The following MTMR10 variants were observed in gnomAD, a reference collection of about 807,000 sequenced individuals.
The protein encoded by MTMR10 is myotubularin-related protein 10.
A neutral mutation model predicts 88.1 loss-of-function variants in MTMR10; 56 were observed. The ratio of observed to expected loss-of-function variants is 0.64; its 90% CI spans 0.51 to 0.79. MTMR10 has a LOEUF of 0.79. Ranked by LOEUF, MTMR10 falls within the 30% of genes least tolerant of loss-of-function variation. The probability of loss-of-function intolerance (pLI) is 0.00; values close to 1 mark genes in which losing one functional copy is unlikely to be tolerated. For synonymous variants in MTMR10, 380 were observed against 340.9 expected (o/e 1.11, Z -1.26); for missense variants, 883 against 924.7 (o/e 0.95, Z 0.58).
At chr15:30,971,969 G>C (rs760853643) in intron 5 of MTMR10, among the ~76,000 whole-genome samples, 12 of 151,872 alleles carry the variant, frequency 7.9e-5, no homozygotes, top group Non-Finnish European at 1.6e-4. Context: ...CAACCAGAAG[G>C]GTTCAGAACA....
downstream of MTMR10, among the ~76,000 whole-genome samples, chr15:30,934,461 CTT>C (rs1217601278): frequency 1.3e-5 from 2 of 152,148 alleles, no homozygotes; most frequent in Non-Finnish European, 2.9e-5. Flanking sequence ...CTTATTTTCT[CTT>C]TGTCTCAGAA....
chr15:30,974,823 AACTT>A lies in MTMR10; in HGVS notation c.331+104_331+107del, dbSNP rs2029991252. On this transcript the variant is annotated intron_variant, in intron 4 of 15. Coordinates refer to ENST00000435680, the MANE Select transcript of MTMR10 (RefSeq NM_017762.3). Reference sequence around the variant, plus strand: ...GGGACTCAAAAAAACGGCAAAAGTAAACTTACAGAAATAAAACGCCAATCCAAGT... The same window carrying A: ...GGGACTCAAAAAAACGGCAAAAGTAAACAGAAATAAAACGCCAATCCAAGT... 4 of 775,356 alleles carry A rather than the reference AACTT, an allele frequency of 5.2e-6. No individual in the cohort carries two copies. In the South Asian group the frequency reaches 1.3e-4, roughly 25 times the overall value. 48.0% of individuals were successfully genotyped at this position (775,356 alleles called of 1,614,324 possible).
At chr15:30,958,982 G>A (rs1471524681) in intron 8 of MTMR10, 31 bp from the exon 9 acceptor site, 1 of 1,613,528 alleles carries the variant, frequency 6.2e-7, no homozygotes, top group East Asian at 2.2e-5. Context: ...TTACTTCACT[G>A]TGTAGAAACA....
chr15:30,923,761 A>T, the MTMR10 span, among the ~76,000 whole-genome samples: 1 of 151,618 alleles, frequency 6.6e-6, no homozygotes, highest in African/African-American at 2.4e-5. Context: ...CAGCCACTCA[A>T]CTCTGGATGG....
At chr15:30,990,107 T>C (rs75625851) in intron 2 of MTMR10, among the ~76,000 whole-genome samples, 2,133 of 152,184 alleles carry the variant, frequency 0.014, 49 homozygotes, top group African/African-American at 0.049. Flanking sequence ...GATTCTCAAC[T>C]GTGAGATTTT....
the MTMR10 span, chr15:30,929,419 A>T: frequency 6.3e-7 from 1 of 1,575,796 alleles, no homozygotes; most frequent in Non-Finnish European, 8.6e-7. Flanking sequence ...CCTGCATGGC[A>T]GGATTTGCTC....
intron 2 of MTMR10, among the ~76,000 whole-genome samples, chr15:30,983,381 T>C (rs1187751845): frequency 1.3e-5 from 2 of 152,318 alleles, no homozygotes; most frequent in East Asian, 3.9e-4. Flanking sequence ...GACCCTTTCA[T>C]CTGTAAATAT....
downstream of MTMR10, among the ~76,000 whole-genome samples, chr15:30,936,566 T>C (rs144524544): frequency 3.4e-4 from 52 of 152,362 alleles, no homozygotes; most frequent in African/African-American, 1.3e-3. Context: ...AATAGAAGAA[T>C]TTCTGAATAA....
chr15:30,989,680 T>G (rs1420432628), intron 2 of MTMR10, among the ~76,000 whole-genome samples: 3 of 151,932 alleles, frequency 2.0e-5, no homozygotes, highest in Non-Finnish European at 4.4e-5. Flanking sequence ...CCTCCCGAGT[T>G]CATGCCATTC....
At chr15:30,924,660 A>G in the MTMR10 span, among the ~76,000 whole-genome samples, 1,666 of 152,244 alleles carry the variant, frequency 0.011, 18 homozygotes, top group Non-Finnish European at 0.018. Flanking sequence ...AAGCAGCTCC[A>G]TGGTTCTTGA....
At chr15:30,973,425 A>G (rs2063560284) in intron 5 of MTMR10, among the ~76,000 whole-genome samples, 1 of 152,102 alleles carries the variant, frequency 6.6e-6, no homozygotes. Context: ...TCACCAAAGT[A>G]TATGAAGACA....
In MTMR10 at chr15:30,941,330, T is replaced by C; in HGVS notation, c.*140A>G. 6.5e-7 allele frequency: 1 copy of C among 1,532,172 alleles called. No homozygotes were observed. The highest frequency in any genetic ancestry group is 8.7e-7 in the Non-Finnish European group (1 of 1,144,008). The allele number at this position is 1,532,172 out of a possible 1,614,324, so 94.9% of individuals were successfully genotyped here. On this transcript the variant is annotated 3_prime_UTR_variant, in exon 16 of 16. Transcript: ENST00000435680. ...AGTGTGAAAGAAGCATGATTCAACATGTTTTTAAATATTAGTGCAAATTCC... is the reference window on the plus strand; with the variant it reads ...AGTGTGAAAGAAGCATGATTCAACACGTTTTTAAATATTAGTGCAAATTCC...
intron 14 of MTMR10, among the ~76,000 whole-genome samples, chr15:30,944,578 A>AAG (rs1235053603): frequency 6.6e-6 from 1 of 151,792 alleles, no homozygotes; most frequent in East Asian, 1.9e-4. Context: ...AAAAAAAAAA[A>AAG]AAAAAATTTT....
At chr15:30,971,273 T>C (rs186739400) in intron 5 of MTMR10, among the ~76,000 whole-genome samples, 11 of 152,248 alleles carry the variant, frequency 7.2e-5, no homozygotes, top group Admixed American at 1.3e-4. Context: ...GAAAAAGAAG[T>C]AAACTACTTT....
chr15:30,920,635 G>C, the MTMR10 span: 2 of 1,608,072 alleles, frequency 1.2e-6, no homozygotes, highest in Non-Finnish European at 1.7e-6. Context: ...AAATACTGCA[G>C]AGACTTCACA....
chr15:30,958,994 T>TG (rs1308955227), intron 8 of MTMR10, 40 bp downstream of exon 8: 1 of 1,613,262 alleles, frequency 6.2e-7, no homozygotes, highest in African/African-American at 1.3e-5. Context: ...GTAGAAACAA[T>TG]GGACGTCAGC....
At chr15:30,989,799 A>T (rs576784144) in intron 2 of MTMR10, among the ~76,000 whole-genome samples, 2 of 151,886 alleles carry the variant, frequency 1.3e-5, no homozygotes, top group South Asian at 2.1e-4. Flanking sequence ...GTTAGCCAGG[A>T]TGGTCTCGGT....
intron 14 of MTMR10, chr15:30,946,732 T>C (rs749117553): frequency 1.4e-6 from 1 of 703,070 alleles, no homozygotes; most frequent in South Asian, 1.5e-5. Flanking sequence ...AACTTCAAAC[T>C]CGTGAAGGAA....
rs1195777236 is a variant in MTMR10 at position 30,942,078 on chromosome 15, C to T, written c.1732-6G>A. ...AGTGTGGAGCTGTAGCTTTTCTATA[C>T]AGAAGAGATTTTATTATGTTCCGGG... On this transcript the variant is annotated splice_polypyrimidine_tract_variant and splice_region_variant and intron_variant, in intron 15 of 15. Coordinates refer to ENST00000435680, the MANE Select transcript of MTMR10 (RefSeq NM_017762.3). The T allele has an allele frequency of 3.7e-6, 6 of 1,607,900 alleles. No homozygotes were observed. In the South Asian group the frequency reaches 6.6e-5, roughly 18 times the overall value.
Sources: gnomAD v4.1 joint callset for allele counts (sites outside exome capture counted in the v4.1 genomes callset) on GRCh38, gnomAD v4.1.1 for gene constraint, MANE v1.5 for transcripts, NCBI Gene and HGNC (gene_info 2026-07-23, HGNC 2026-07-21) for gene names.